ZNF69: variants seen among roughly 807,000 people sequenced by gnomAD.
ZNF69 encodes ZNF3.
Under a neutral mutation model 50.9 loss-of-function variants are expected in ZNF69, and 47 were observed. The observed-to-expected ratio is 0.92, with a 90% confidence interval of 0.73 to 1.18. The LOEUF (loss-of-function observed/expected upper bound fraction) is 1.18. Ranked by LOEUF, ZNF69 falls within the 50% of genes most tolerant of loss-of-function variation. The pLI is 0.00. For missense variants in ZNF69, 717 were observed against 675.1 expected, an observed-to-expected ratio of 1.06 and a Z score of -0.69; for synonymous variants, 216 against 223.1, an observed-to-expected ratio of 0.97 and a Z score of 0.29.
chr19:11,891,462 GAAGA>G (rs1220653272), intron 1 of ZNF69, among the ~76,000 whole-genome samples: 3 of 151,622 alleles, frequency 2.0e-5, no homozygotes, highest in Admixed American at 2.0e-4. Context: ...AGGAAGGAAG[GAAGA>G]GAGTGATTCT....
the ZNF69 span, among the ~76,000 whole-genome samples, chr19:11,963,529 G>A: frequency 6.6e-6 from 1 of 152,122 alleles, no homozygotes; most frequent in African/African-American, 2.4e-5. Context: ...CCATAAGGGG[G>A]TGAGCTTGCC....
intron 1 of ZNF69, among the ~76,000 whole-genome samples, chr19:11,901,692 C>T (rs1972247286): frequency 1.3e-5 from 2 of 151,930 alleles, no homozygotes; most frequent in South Asian, 4.2e-4. Context: ...CCATGTTGGC[C>T]AGAGTGGTCT....
At chr19:11,924,280 A>G in the ZNF69 span, among the ~76,000 whole-genome samples, 308 of 151,626 alleles carry the variant, frequency 2.0e-3, 2 homozygotes, top group African/African-American at 6.9e-3. Context: ...AAAATACAAA[A>G]TATTAGCCGG....
At chr19:11,915,624 C>T (rs1037510983), downstream of ZNF69, among the ~76,000 whole-genome samples, 1 of 152,192 alleles carries the variant, frequency 6.6e-6, no homozygotes, top group African/African-American at 2.4e-5. Context: ...AAAGCTCACA[C>T]CAGGTGGGGT....
chr19:11,971,701 GA>G, the ZNF69 span, among the ~76,000 whole-genome samples: 1 of 152,078 alleles, frequency 6.6e-6, no homozygotes, highest in Admixed American at 6.6e-5. Flanking sequence ...TTTCAGTGTA[GA>G]CTTTTTGCAT....
the ZNF69 span, among the ~76,000 whole-genome samples, chr19:11,931,142 C>G: frequency 4.0e-5 from 6 of 148,222 alleles, no homozygotes; most frequent in Admixed American, 6.6e-5. Context: ...GATAGTGCCT[C>G]TCTATCTTAG....
chr19:11,969,162 C>T, the ZNF69 span, among the ~76,000 whole-genome samples: 2 of 152,138 alleles, frequency 1.3e-5, no homozygotes, highest in African/African-American at 2.4e-5. Context: ...TGGAGTGCAG[C>T]GGCGTGATCT....
In ZNF69 at chr19:11,889,639, C is replaced by T. The variant is rs114750923; in HGVS notation, c.63+1653C>T. Among the ~76,000 whole-genome samples the T allele has an allele frequency of 3.8e-3, 581 of 152,292 alleles. 1 individual carries two copies. Among genetic ancestry groups the T allele is most frequent in the African/African-American group, 0.013 (555 of 41,562 alleles). ...CACCTGAAGGGGGCCTGCCCCTCCA[C>T]CCCTGTGGGTGTTTCTTGTCAGGTA... On this transcript the variant is annotated intron_variant, in intron 1 of 3. Transcript: ENST00000429654.
the ZNF69 span, chr19:11,978,737 T>C: frequency 1.9e-6 from 3 of 1,613,968 alleles, no homozygotes; most frequent in Non-Finnish European, 2.5e-6. Context: ...CCAGTTCTTT[T>C]CAAGCACATA....
chr19:11,938,133 A>G, the ZNF69 span, among the ~76,000 whole-genome samples: 1 of 151,864 alleles, frequency 6.6e-6, no homozygotes, highest in Non-Finnish European at 1.5e-5. Context: ...CAGTGGCATG[A>G]TCTTGGCTCA....
At chr19:11,956,367 T>C in the ZNF69 span, 2 of 384,482 alleles carry the variant, frequency 5.2e-6, no homozygotes, top group Non-Finnish European at 4.6e-6. Flanking sequence ...ATATGTTTAT[T>C]GAGTGAAAGG....
At chr19:11,914,974 C>T (rs533125009), downstream of ZNF69, among the ~76,000 whole-genome samples, 4 of 152,308 alleles carry the variant, frequency 2.6e-5, no homozygotes, top group South Asian at 2.1e-4. Context: ...TAGTCCAAAG[C>T]GGGTGGATCA....
At chr19:11,954,682 A>T in the ZNF69 span, among the ~76,000 whole-genome samples, 2 of 152,152 alleles carry the variant, frequency 1.3e-5, no homozygotes, top group Non-Finnish European at 2.9e-5. Flanking sequence ...AATACAAAAA[A>T]TTAGCTGGAT....
At chr19:11,900,357 C>CT (rs933407423) in intron 1 of ZNF69, among the ~76,000 whole-genome samples, 284 of 142,166 alleles carry the variant, frequency 2.0e-3, no homozygotes, top group Non-Finnish European at 2.7e-3. Context: ...AAAGATTGGG[C>CT]TTTTTTTTTT....
the ZNF69 span, chr19:11,950,101 A>G: frequency 1.9e-6 from 3 of 1,614,216 alleles, no homozygotes; most frequent in East Asian, 4.5e-5. Flanking sequence ...GATTCTTCAA[A>G]TACATGCAAG....
the ZNF69 span, chr19:11,947,218 C>G: frequency 1.2e-6 from 2 of 1,613,978 alleles, no homozygotes; most frequent in Non-Finnish European, 1.7e-6. Context: ...GTGAACTTCA[C>G]CCAGGAAGAG....
At chr19:11,977,448 G>T in the ZNF69 span, 1 of 1,613,414 alleles carries the variant, frequency 6.2e-7, no homozygotes, top group Non-Finnish European at 8.5e-7. Context: ...GGCACTTAAA[G>T]AGAAAGCAGT....
chr19:11,947,348 C>G, the ZNF69 span: 1 of 1,611,802 alleles, frequency 6.2e-7, no homozygotes, highest in East Asian at 2.2e-5. Flanking sequence ...CATTAGCAAA[C>G]CAGTGTTTCT....
At chr19:11,939,408 C>T in the ZNF69 span, among the ~76,000 whole-genome samples, 839 of 152,126 alleles carry the variant, frequency 5.5e-3, 8 homozygotes, top group African/African-American at 0.019. Context: ...TTGTATAAGG[C>T]GTAAGGAAGG....
Sources: allele counts gnomAD v4.1 joint callset (sites outside exome capture counted in the v4.1 genomes callset), GRCh38; gene constraint gnomAD v4.1.1; transcripts MANE v1.5; gene names NCBI Gene and HGNC (gene_info 2026-07-23, HGNC 2026-07-21).